Variants in ADGRE3 observed in about 807,000 individuals in gnomAD.
The protein encoded by ADGRE3 is EGF-like module receptor 3.
Under a neutral mutation model 80.1 loss-of-function variants are expected in ADGRE3, and 88 were observed. That is an observed-to-expected ratio of 1.10 (90% CI 0.93 to 1.31). The LOEUF (loss-of-function observed/expected upper bound fraction) is 1.31, where lower values mean the gene tolerates loss of function less well. Among genes scored for constraint, ADGRE3 ranks in the 40% most tolerant of loss-of-function variants. The pLI is 0.00. For missense variants in ADGRE3, 715 were observed against 776.5 expected (o/e 0.92, Z 0.94); for synonymous variants, 281 against 294.8 (o/e 0.95, Z 0.48).
At position 14,620,569 on chromosome 19, in the gene ADGRE3, T is replaced by TATATATA. The variant is rs1427819287; in HGVS notation, c.1921-1099_1921-1098insTATATAT. On this transcript the variant is annotated intron_variant, in intron 15 of 15. Coordinates refer to ENST00000253673, the MANE Select transcript of ADGRE3 (RefSeq NM_032571.5). ...TATATTATATATATATATATATATA[T>TATATATA]TTTTTTTTTTTTTTTTTTTTTTTTT... is the stretch of plus-strand genomic sequence containing the variant. 6.5e-3 allele frequency among the ~76,000 whole-genome samples: 49 copies of TATATATA among 7,528 alleles called. 3 individuals are homozygous for TATATATA. The highest frequency in any genetic ancestry group is 8.5e-3 in the Non-Finnish European group (37 of 4,330). The allele number at this position is 7,528 out of a possible 152,430, so 4.9% of individuals were successfully genotyped here.
the ADGRE3 span, among the ~76,000 whole-genome samples, chr19:14,605,477 A>G: frequency 6.6e-6 from 1 of 152,196 alleles, no homozygotes; most frequent in African/African-American, 2.4e-5. Context: ...AAATGCACAG[A>G]TCTTTGATGT....
Position 14,633,316 on chromosome 19 carries a change from GA to G in ADGRE3, c.1485-15del. 1.2e-6 allele frequency: 2 copies of G among 1,601,892 alleles called. No homozygotes were observed. Among genetic ancestry groups the G allele is most frequent in the Non-Finnish European group, 1.7e-6 (2 of 1,170,924 alleles). On this transcript the variant is annotated splice_polypyrimidine_tract_variant and intron_variant, in intron 11 of 15. Coordinates refer to ENST00000253673, the MANE Select transcript of ADGRE3 (RefSeq NM_032571.5). ...TGGAGCCAGCATCTAGGAACAGTGG[GA>G]AAAGAGATACAAAGAGAGATCAGAG...
At chr19:14,623,863 A>G (rs563902023) in intron 15 of ADGRE3, among the ~76,000 whole-genome samples, 1 of 152,332 alleles carries the variant, frequency 6.6e-6, no homozygotes, top group South Asian at 2.1e-4. Context: ...AAGTGCTGTT[A>G]GTGAGCAGAG....
chr19:14,673,290 A>C (rs931484789), intron 1 of ADGRE3, among the ~76,000 whole-genome samples: 2 of 152,242 alleles, frequency 1.3e-5, no homozygotes, highest in African/African-American at 2.4e-5. Flanking sequence ...TAATGTGCAG[A>C]TGCTATGTGA....
Position 14,646,699 on chromosome 19 carries a change from C to CCTTT in ADGRE3, c.882+481_882+482insAAAG, listed in dbSNP as rs1971416782. On this transcript the variant is annotated intron_variant, in intron 8 of 15. Transcript: ENST00000253673. Reference sequence around the variant, plus strand: ...TCCCTCCCTCCCTCCCTCCCTCCTTCCTTCCTTCCTTCCTTCCTTCCTTCC... The same window carrying CCTTT: ...TCCCTCCCTCCCTCCCTCCCTCCTTCCTTTCTTCCTTCCTTCCTTCCTTCCTTCC... 3.2e-5 allele frequency among the ~76,000 whole-genome samples: 4 copies of CCTTT among 124,342 alleles called. No homozygotes were observed. The South Asian group carries it at 1.2e-3, about 36-fold the overall frequency. The allele number at this position is 124,342 out of a possible 152,430, so 81.6% of individuals were successfully genotyped here.
At chr19:14,644,041 G>A (rs1249785195) in intron 9 of ADGRE3, 67 bp downstream of exon 9, 2 of 870,680 alleles carry the variant, frequency 2.3e-6, no homozygotes, top group African/African-American at 1.8e-5. Flanking sequence ...TTTTTTAATA[G>A]CACTTATTAC....
Position 14,656,475 on chromosome 19 carries a change from G to A in ADGRE3, c.394-1310C>T, listed in dbSNP as rs538780083. The stretch of plus-strand genomic sequence containing the variant: ...CCCACCGACTAGATTTTATATTCAG[G>A]CACTAGATTTTATAGTCAGGCTGAG... On this transcript the variant is annotated intron_variant, in intron 5 of 15. Transcript: ENST00000253673. Among the ~76,000 whole-genome samples, 7 of 152,138 alleles carry A rather than the reference G, an allele frequency of 4.6e-5. No homozygotes were observed. The South Asian group carries it at 1.5e-3, about 32-fold the overall frequency.
chr19:14,648,827 T>C (rs537905567), intron 7 of ADGRE3, among the ~76,000 whole-genome samples: 43 of 152,162 alleles, frequency 2.8e-4, no homozygotes, highest in Admixed American at 7.2e-4. Context: ...TTGTGTCTCC[T>C]GCCTGCCTGC....
chr19:14,660,074 C>T (rs1205624330), intron 4 of ADGRE3, among the ~76,000 whole-genome samples: 2 of 152,068 alleles, frequency 1.3e-5, no homozygotes, highest in African/African-American at 2.4e-5. Flanking sequence ...TAGAAAACTG[C>T]CCTTTTGAAC....
the ADGRE3 span, among the ~76,000 whole-genome samples, chr19:14,601,058 A>G: frequency 1.3e-5 from 2 of 151,692 alleles, no homozygotes; most frequent in African/African-American, 4.8e-5. Context: ...ATGTGCCACC[A>G]CGCCTGGCTA....
the ADGRE3 span, among the ~76,000 whole-genome samples, chr19:14,604,018 A>C: frequency 6.6e-6 from 1 of 152,150 alleles, no homozygotes; most frequent in African/African-American, 2.4e-5. Context: ...CCATCAGCAA[A>C]GCCTTTTGGG....
In ADGRE3 at chr19:14,633,321, G is replaced by A; in HGVS notation, c.1485-19C>T. 6.3e-7 allele frequency: 1 copy of A among 1,581,706 alleles called. No homozygotes were observed. The highest frequency in any genetic ancestry group is 8.7e-7 in the Non-Finnish European group (1 of 1,154,636). ...CCAGCATCTAGGAACAGTGGGAAAA[G>A]AGATACAAAGAGAGATCAGAGAAAG... On this transcript the variant is annotated intron_variant, in intron 11 of 15. Coordinates refer to ENST00000253673, the MANE Select transcript of ADGRE3 (RefSeq NM_032571.5).
At chr19:14,648,705 C>T (rs895456173) in intron 7 of ADGRE3, among the ~76,000 whole-genome samples, 1 of 152,088 alleles carries the variant, frequency 6.6e-6, no homozygotes, top group Non-Finnish European at 1.5e-5. Flanking sequence ...TGTGGGTGGG[C>T]CTTATCCAAT....
At chr19:14,639,976 C>G (rs1439106736) in intron 10 of ADGRE3, among the ~76,000 whole-genome samples, 1 of 152,152 alleles carries the variant, frequency 6.6e-6, no homozygotes. Flanking sequence ...ACCAACATCT[C>G]CCTAAACCCC....
the ADGRE3 span, among the ~76,000 whole-genome samples, chr19:14,603,739 T>C: frequency 6.6e-6 from 1 of 152,110 alleles, no homozygotes; most frequent in African/African-American, 2.4e-5. Flanking sequence ...GTGCCGGGAT[T>C]ACAGGAGTGA....
chr19:14,641,459 T>C lies in ADGRE3; in HGVS notation c.1208A>G (p.His403Arg). 6.2e-7 allele frequency: 1 copy of C among 1,613,866 alleles called. No homozygotes were observed. The highest frequency in any genetic ancestry group is 1.1e-5 in the South Asian group (1 of 91,062). ...LQLSLCLFLA[H>R]LLFLVGIDRT... ...ATCAATCCCCACGAGGAAGAGGAGG[T>C]GGGCCAGGAAGAGGCAGAGCGAGAG... Residue 403 changes from histidine to arginine, a missense_variant, in exon 10 of 16, where the codon CAC becomes CGC. By Grantham distance (29) the His-to-Arg change is conservative. Transcript: ENST00000253673.
chr19:14,644,090 A>G lies in ADGRE3; in HGVS notation c.1050+18T>C, dbSNP rs536422648. 2.3e-5 allele frequency: 33 copies of G among 1,423,628 alleles called. No individual in the cohort carries two copies. The South Asian group carries it at 4.8e-4, about 21-fold the overall frequency. The allele number at this position is 1,423,628 out of a possible 1,614,324, so 88.2% of individuals were successfully genotyped here. A position where few individuals can be genotyped will look rare whatever the true frequency, so the allele number is the denominator to read the frequency against. On this transcript the variant is annotated intron_variant, in intron 9 of 15. Transcript: ENST00000253673. The stretch of plus-strand genomic sequence containing the variant: ...CTCAGAAAGTATTTGCTGGAAGAAT[A>G]AAACATATACATCATACCTGGCTGG...
Position 14,639,388 on chromosome 19 carries a change from A to G in ADGRE3, c.1249-1048T>C, listed in dbSNP as rs114878258. 2.9e-3 allele frequency among the ~76,000 whole-genome samples: 435 copies of G among 151,778 alleles called. 2 individuals are homozygous for G. Among genetic ancestry groups the G allele is most frequent in the African/African-American group, 0.01 (423 of 41,418 alleles). On this transcript the variant is annotated intron_variant, in intron 10 of 15. Coordinates refer to ENST00000253673, the MANE Select transcript of ADGRE3 (RefSeq NM_032571.5). ...GAAAAAAGTTTCACTTTAGCATAAG[A>G]GATTATTATTATGATTATGATTCTT...
At chr19:14,618,520 C>T (rs1490915722), downstream of ADGRE3, among the ~76,000 whole-genome samples, 1 of 151,824 alleles carries the variant, frequency 6.6e-6, no homozygotes, top group Non-Finnish European at 1.5e-5. Flanking sequence ...CACCACTGCA[C>T]TCCAGCCTGG....
Sources: allele counts gnomAD v4.1 joint callset (sites outside exome capture counted in the v4.1 genomes callset), GRCh38; gene constraint gnomAD v4.1.1; transcripts MANE v1.5; gene names NCBI Gene and HGNC (gene_info 2026-07-23, HGNC 2026-07-21).